CDK14: variants seen among roughly 807,000 people sequenced by gnomAD.
The protein encoded by CDK14 is cyclin dependent kinase 14, also known as cyclin-dependent kinase 14.
A neutral mutation model predicts 60.7 loss-of-function variants in CDK14; 34 were observed. The observed-to-expected ratio is 0.56, with a 90% CI of 0.43 to 0.75. CDK14 has a LOEUF of 0.75. CDK14 is among the 30% of genes least tolerant of loss of function. The pLI, the probability that CDK14 is intolerant of heterozygous loss-of-function variation, is 0.00. For missense variants in CDK14, 482 were observed against 564.1 expected (o/e 0.85, Z 1.47); for synonymous variants, 197 against 203.7 (o/e 0.97, Z 0.28).
intron 5 of CDK14, among the ~76,000 whole-genome samples, chr7:90,831,389 G>C (rs1168323140): frequency 6.6e-6 from 1 of 152,114 alleles, no homozygotes; most frequent in Non-Finnish European, 1.5e-5. Flanking sequence ...ACCATTATGA[G>C]AGCAGGATGG....
At chr7:91,103,644 G>A (rs1427592448) in intron 12 of CDK14, among the ~76,000 whole-genome samples, 3 of 152,222 alleles carry the variant, frequency 2.0e-5, no homozygotes, top group Admixed American at 6.5e-5. Context: ...AGGATATGTA[G>A]CATTAGAGCT....
At chr7:90,690,046 C>T (rs1801522733) in intron 2 of CDK14, among the ~76,000 whole-genome samples, 1 of 152,064 alleles carries the variant, frequency 6.6e-6, no homozygotes, top group Non-Finnish European at 1.5e-5. Context: ...TTTTTGCTTA[C>T]CTTTTTAAAA....
chr7:90,954,057 C>T (rs1794335438), intron 8 of CDK14, among the ~76,000 whole-genome samples: 1 of 152,092 alleles, frequency 6.6e-6, no homozygotes, highest in South Asian at 2.1e-4. Context: ...GTAAGTATGT[C>T]TGTGTGGTAT....
At chr7:90,643,639 G>C (rs896062011) in intron 2 of CDK14, among the ~76,000 whole-genome samples, 1 of 152,086 alleles carries the variant, frequency 6.6e-6, no homozygotes, top group African/African-American at 2.4e-5. Context: ...GTGTCGAACC[G>C]CTTTATAATA....
At chr7:91,182,421 T>C (rs1487293901) in intron 14 of CDK14, among the ~76,000 whole-genome samples, 1 of 152,058 alleles carries the variant, frequency 6.6e-6, no homozygotes, top group Non-Finnish European at 1.5e-5. Flanking sequence ...TTAATAATAT[T>C]GTAAAATGTA....
At chr7:90,805,972 A>C (rs1209344096) in intron 5 of CDK14, among the ~76,000 whole-genome samples, 2 of 152,210 alleles carry the variant, frequency 1.3e-5, no homozygotes, top group African/African-American at 4.8e-5. Context: ...ATAGAATGGA[A>C]AGTTCAAAAA....
At chr7:90,620,906 C>T (rs1416516566) in intron 2 of CDK14, among the ~76,000 whole-genome samples, 2 of 152,160 alleles carry the variant, frequency 1.3e-5, no homozygotes, top group African/African-American at 2.4e-5. Flanking sequence ...TTTTGTTGCC[C>T]CACTTCTGCC....
chr7:91,062,527 C>T (rs1017309451), intron 11 of CDK14, among the ~76,000 whole-genome samples: 4 of 152,006 alleles, frequency 2.6e-5, no homozygotes, highest in Non-Finnish European at 4.4e-5. Flanking sequence ...TGTTCCTATT[C>T]GGCCATCTTG....
intron 5 of CDK14, among the ~76,000 whole-genome samples, chr7:90,801,895 T>A (rs545295761): frequency 6.6e-6 from 1 of 152,304 alleles, no homozygotes; most frequent in South Asian, 2.1e-4. Flanking sequence ...CTTACCCCTA[T>A]CACCTTCCCA....
intron 14 of CDK14, among the ~76,000 whole-genome samples, chr7:91,139,785 C>CCTTTCTTTTTCTTTCTTT (rs1800392893): frequency 1.4e-5 from 2 of 146,256 alleles, no homozygotes; most frequent in African/African-American, 5.0e-5. Flanking sequence ...TTTTTTCTTT[C>CCTTTCTTTTTCTTTCTTT]CTTTCTTTCT....
chr7:90,810,070 A>T (rs1041755620), intron 5 of CDK14, among the ~76,000 whole-genome samples: 1 of 152,246 alleles, frequency 6.6e-6, no homozygotes, highest in Non-Finnish European at 1.5e-5. Context: ...ATTCCTTCTG[A>T]AACTATTCCA....
At chr7:90,871,696 A>T (rs1791377162) in intron 6 of CDK14, among the ~76,000 whole-genome samples, 1 of 152,198 alleles carries the variant, frequency 6.6e-6, no homozygotes, top group African/African-American at 2.4e-5. Flanking sequence ...TATTACATGC[A>T]TGACATTGAG....
Position 91,096,065 on chromosome 7 carries a change from C to CAAAAAAA in CDK14, c.1155-16460_1155-16454dup, listed in dbSNP as rs112016367. Among the ~76,000 whole-genome samples, 315 of 64,518 alleles carry CAAAAAAA rather than the reference C, an allele frequency of 4.9e-3. 17 individuals are homozygous for CAAAAAAA. Among genetic ancestry groups the CAAAAAAA allele is most frequent in the African/African-American group, 6.6e-3 (102 of 15,538 alleles). 42.3% of individuals were successfully genotyped at this position (64,518 alleles called of 152,430 possible). ...ATTTATCTATATTACCACAATTTGC[C>CAAAAAAA]AAAAAAAAAAAAAAAAAAAAAAACA... On this transcript the variant is annotated intron_variant, in intron 12 of 14. Coordinates refer to ENST00000380050, the MANE Select transcript of CDK14 (RefSeq NM_001287135.2).
At chr7:90,772,989 C>G (rs990109218) in intron 4 of CDK14, among the ~76,000 whole-genome samples, 1 of 152,056 alleles carries the variant, frequency 6.6e-6, no homozygotes, top group Non-Finnish European at 1.5e-5. Context: ...TCTGTACTGA[C>G]CAAGTATTCT....
chr7:91,047,820 A>G (rs1458240176), intron 11 of CDK14, among the ~76,000 whole-genome samples: 1 of 152,140 alleles, frequency 6.6e-6, no homozygotes, highest in Non-Finnish European at 1.5e-5. Flanking sequence ...ACAACAACAG[A>G]CTGAGTCAAA....
chr7:91,123,385 T>G (rs571952932), intron 14 of CDK14, among the ~76,000 whole-genome samples: 1 of 152,276 alleles, frequency 6.6e-6, no homozygotes, highest in African/African-American at 2.4e-5. Flanking sequence ...TGACAACAAT[T>G]GTTGAAATGA....
At chr7:90,744,647 CCCCACCTCCCT>C in intron 3 of CDK14, among the ~76,000 whole-genome samples, 1 of 147,574 alleles carries the variant, frequency 6.8e-6, no homozygotes, top group Non-Finnish European at 1.5e-5. Flanking sequence ...GGGCTGACCC[CCCCACCTCCCT>C]CCCGGACGGG....
intron 2 of CDK14, among the ~76,000 whole-genome samples, chr7:90,724,203 G>T (rs1802551479): frequency 1.3e-5 from 2 of 151,728 alleles, no homozygotes; most frequent in Non-Finnish European, 2.9e-5. Flanking sequence ...TTTCATCTAA[G>T]TTGTGGAATT....
chr7:90,709,956 C>T (rs1802000903), intron 2 of CDK14: 5 of 1,088,706 alleles, frequency 4.6e-6, no homozygotes, highest in Admixed American at 5.2e-5. Context: ...AACAGCAAAA[C>T]GGTAAGACAG....
Sources: allele counts gnomAD v4.1 joint callset (sites outside exome capture counted in the v4.1 genomes callset), GRCh38; gene constraint gnomAD v4.1.1; transcripts MANE v1.5; gene names NCBI Gene and HGNC (gene_info 2026-07-23, HGNC 2026-07-21).